Variants in ST18 observed in about 807,000 individuals in gnomAD.
ST18 encodes suppression of tumorigenicity 18 protein.
A neutral mutation model predicts 110.0 loss-of-function variants in ST18; 50 were observed. The observed-to-expected ratio is 0.45, with a 90% CI of 0.36 to 0.58. The LOEUF (loss-of-function observed/expected upper bound fraction) is 0.58, where lower values mean the gene tolerates loss of function less well. Among genes scored for constraint, ST18 ranks in the 20% least tolerant of loss-of-function variants. The pLI is 0.00. For synonymous variants in ST18, 461 were observed against 452.4 expected, an observed-to-expected ratio of 1.02 and a Z score of -0.24; for missense variants, 1,306 against 1,280.1, an observed-to-expected ratio of 1.02 and a Z score of -0.31.
intron 2 of ST18, chr8:52,405,366 A>G (rs1449012059): frequency 6.6e-6 from 1 of 152,208 alleles, no homozygotes; most frequent in Non-Finnish European, 1.5e-5. Context: ...AAAACTGCCT[A>G]TGCGCAGTCC....
chr8:52,387,288 T>C (rs1837186249), intron 2 of ST18, among the ~76,000 whole-genome samples: 1 of 152,226 alleles, frequency 6.6e-6, no homozygotes, highest in Non-Finnish European at 1.5e-5. Flanking sequence ...CTCTTTTATC[T>C]TTTCTTCTCT....
At chr8:52,329,066 G>T (rs1434109807) in intron 2 of ST18, among the ~76,000 whole-genome samples, 3 of 152,116 alleles carry the variant, frequency 2.0e-5, no homozygotes, top group Admixed American at 6.5e-5. Context: ...TATTAATTCT[G>T]CTTTCTCTCA....
In ST18 at chr8:52,389,475, G is replaced by A. The variant is rs534556851; in HGVS notation, c.-465+19853C>T. Among the ~76,000 whole-genome samples, 3 of 152,300 alleles carry A rather than the reference G, an allele frequency of 2.0e-5. No individual in the cohort carries two copies. In the South Asian group the frequency reaches 6.2e-4, roughly 32 times the overall value. On this transcript the variant is annotated intron_variant, in intron 2 of 25. Coordinates refer to ENST00000689386, the MANE Select transcript of ST18 (RefSeq NM_001352837.2). The stretch of plus-strand genomic sequence containing the variant: ...ACCCCATCGTCTTTGGTGGGGTCAA[G>A]GCACATTCTTCTGAGCACACCAGGG...
At chr8:52,341,960 A>G (rs1010574285) in intron 2 of ST18, among the ~76,000 whole-genome samples, 3 of 152,224 alleles carry the variant, frequency 2.0e-5, no homozygotes, top group African/African-American at 7.2e-5. Flanking sequence ...GATTGGGGAG[A>G]TGCTGGTCAA....
chr8:52,268,479 CTATCTATCTATCTAT>C (rs2094949282), intron 2 of ST18, among the ~76,000 whole-genome samples: 7 of 94,484 alleles, frequency 7.4e-5, no homozygotes, highest in Non-Finnish European at 1.4e-4. Flanking sequence ...ATCTATCTAT[CTATCTATCTATCTAT>C]CTATCTATCT....
intron 2 of ST18, among the ~76,000 whole-genome samples, chr8:52,353,353 T>A (rs1821237798): frequency 6.6e-6 from 1 of 152,258 alleles, no homozygotes; most frequent in Non-Finnish European, 1.5e-5. Flanking sequence ...ATAAATAATG[T>A]AGTGCCCTGT....
intron 2 of ST18, among the ~76,000 whole-genome samples, chr8:52,311,452 G>A (rs929167952): frequency 6.6e-6 from 1 of 151,996 alleles, no homozygotes. Flanking sequence ...CAGTTCTATT[G>A]TCTCATCAAA....
intron 2 of ST18, among the ~76,000 whole-genome samples, chr8:52,401,728 T>C (rs1427060731): frequency 1.3e-5 from 2 of 152,192 alleles, no homozygotes; most frequent in Admixed American, 6.5e-5. Flanking sequence ...TTTTGTTGCA[T>C]TGTCTATCTG....
rs116245064 is a variant in ST18 at position 52,137,525 on chromosome 8, C to A, written c.2169-42G>T. The stretch of plus-strand genomic sequence containing the variant: ...TACATCATTAGAGTCAAGCGCATTT[C>A]CCAGGTTCATTTCCTCTGCCCAGTA... On this transcript the variant is annotated intron_variant, in intron 17 of 25. Transcript: ENST00000689386. 667 of 1,604,222 alleles carry A rather than the reference C, an allele frequency of 4.2e-4. 2 individuals carry two copies. The African/African-American group carries it at 8.1e-3, about 19-fold the overall frequency.
In ST18 at chr8:52,214,385, G is replaced by T. The variant is rs145378519; in HGVS notation, c.1-128C>A. 3.6e-5 allele frequency: 32 copies of T among 891,872 alleles called. No individual in the cohort carries two copies. The African/African-American group carries it at 4.6e-4, about 13-fold the overall frequency. The allele number at this position is 891,872 out of a possible 1,614,324, so 55.2% of individuals were successfully genotyped here. ...CTTCCATGCTCTTGACTCACAGCCC[G>T]GCTCTATAGTACATAACTGTGACTC... is the stretch of plus-strand genomic sequence containing the variant. On this transcript the variant is annotated intron_variant, in intron 6 of 25. Coordinates refer to ENST00000689386, the MANE Select transcript of ST18 (RefSeq NM_001352837.2).
intron 9 of ST18, among the ~76,000 whole-genome samples, chr8:52,179,227 A>G (rs1393622339): frequency 9.9e-5 from 15 of 152,194 alleles, no homozygotes; most frequent in Admixed American, 9.8e-4. Flanking sequence ...CCTTATGCAC[A>G]AAGTGATCAG....
intron 2 of ST18, among the ~76,000 whole-genome samples, chr8:52,388,198 T>C (rs1837652853): frequency 6.6e-6 from 1 of 152,194 alleles, no homozygotes; most frequent in African/African-American, 2.4e-5. Context: ...CGATGTCATC[T>C]GTGAGAAACA....
intron 2 of ST18, among the ~76,000 whole-genome samples, chr8:52,276,161 A>AGG (rs1554804674): frequency 0.069 from 3,507 of 51,022 alleles, 93 homozygotes; most frequent in Middle Eastern, 0.19. Flanking sequence ...CACGCACCAC[A>AGG]CATACCATAT....
chr8:52,378,919 CCA>C (rs934022267), intron 2 of ST18, among the ~76,000 whole-genome samples: 3 of 152,090 alleles, frequency 2.0e-5, no homozygotes, highest in Admixed American at 6.5e-5. Flanking sequence ...CGAGTAAGAA[CCA>C]CAGTCATTAT....
intron 2 of ST18, among the ~76,000 whole-genome samples, chr8:52,345,646 T>A (rs143648285): frequency 3.2e-4 from 48 of 152,270 alleles, no homozygotes; most frequent in Admixed American, 2.7e-3. Context: ...GAAGTTGGAA[T>A]GTCTACACAG....
At chr8:52,137,732 T>A (rs773474557) in intron 17 of ST18, 31 of 438,102 alleles carry the variant, frequency 7.1e-5, no homozygotes, top group Non-Finnish European at 1.1e-4. Flanking sequence ...TTCGATTATT[T>A]GATTCCATTG....
At chr8:52,143,187 T>C (rs1288580240) in intron 16 of ST18, 142 bp from the exon 17 acceptor site, 15 of 620,998 alleles carry the variant, frequency 2.4e-5, no homozygotes, top group African/African-American at 3.7e-5. Context: ...AGGATTTGCA[T>C]AAGAAATAAA....
At chr8:52,127,922 G>A (rs1422383987) in intron 22 of ST18, among the ~76,000 whole-genome samples, 4 of 151,830 alleles carry the variant, frequency 2.6e-5, no homozygotes, top group South Asian at 2.1e-4. Context: ...AGAAAAAAAC[G>A]TGCCTTATAT....
chr8:52,354,509 C>G (rs377373231), intron 2 of ST18, among the ~76,000 whole-genome samples: 5 of 152,252 alleles, frequency 3.3e-5, no homozygotes, highest in African/African-American at 9.6e-5. Flanking sequence ...TAGAGAAAGT[C>G]AAGACATCCA....
Sources: allele counts gnomAD v4.1 joint callset (sites outside exome capture counted in the v4.1 genomes callset), GRCh38; gene constraint gnomAD v4.1.1; transcripts MANE v1.5; gene names NCBI Gene and HGNC (gene_info 2026-07-23, HGNC 2026-07-21).